Variants in PADI4 observed in about 807,000 individuals in gnomAD.
The protein encoded by PADI4 is protein-arginine deiminase type-4.
Under a neutral mutation model 75.0 loss-of-function variants are expected in PADI4, and 62 were observed. That is an observed-to-expected ratio of 0.83 (90% CI 0.67 to 1.02). The LOEUF is 1.02. Among genes scored for constraint, PADI4 ranks in the 50% least tolerant of loss-of-function variants. PADI4 has a pLI of 0.00. For synonymous variants in PADI4, 361 were observed against 348.1 expected (o/e 1.04, Z -0.41); for missense variants, 845 against 850.5 (o/e 0.99, Z 0.08).
At position 17,352,080 on chromosome 1, in the gene PADI4, A is replaced by G. The variant is rs865782706; in HGVS notation, c.1156-2453A>G. Reference sequence around the variant, plus strand: ...GGTGATGGGAGGTGGGAAGAGAGGCAGTCAGGGAGGTGATGGGAGGTGGTA... The same window carrying G: ...GGTGATGGGAGGTGGGAAGAGAGGCGGTCAGGGAGGTGATGGGAGGTGGTA... On this transcript the variant is annotated intron_variant, in intron 10 of 15. Coordinates refer to ENST00000375448, the MANE Select transcript of PADI4 (RefSeq NM_012387.3). 5.3e-3 allele frequency among the ~76,000 whole-genome samples: 601 copies of G among 114,458 alleles called. 33 individuals carry two copies. The highest frequency in any genetic ancestry group is 0.017 in the African/African-American group (434 of 25,444). 75.1% of individuals were successfully genotyped at this position (114,458 alleles called of 152,430 possible). A position where few individuals can be genotyped will look rare whatever the true frequency, so the allele number is the denominator to read the frequency against.
chr1:17,339,627 T>C (rs1345431674), intron 5 of PADI4, 61 bp from the exon 6 acceptor site: 6 of 1,598,790 alleles, frequency 3.8e-6, no homozygotes, highest in Middle Eastern at 1.9e-4. Flanking sequence ...GTGAGGTGGC[T>C]ATGGGAAACC....
At chr1:17,317,307 C>T (rs1384461646) in intron 1 of PADI4, among the ~76,000 whole-genome samples, 5 of 152,100 alleles carry the variant, frequency 3.3e-5, no homozygotes, top group South Asian at 2.1e-4. Flanking sequence ...TCGCTCTTGT[C>T]GCCTAGGCTG....
At chr1:17,338,233 C>T (rs1004292821) in intron 5 of PADI4, 78 bp downstream of exon 5, 34 of 873,348 alleles carry the variant, frequency 3.9e-5, no homozygotes, top group Non-Finnish European at 6.2e-5. Flanking sequence ...CTGGTGACGG[C>T]CCTCTGAAAT....
intron 1 of PADI4, among the ~76,000 whole-genome samples, chr1:17,310,369 A>G (rs1199890923): frequency 6.6e-6 from 1 of 152,050 alleles, no homozygotes; most frequent in East Asian, 1.9e-4. Flanking sequence ...CCTTCCTGTC[A>G]CTTCTTATCT....
rs748533338 is a variant in PADI4 at position 17,336,221 on chromosome 1, G to T, written c.403G>T (p.Asp135Tyr). Residue 135 changes from aspartate to tyrosine, a missense_variant, in exon 4 of 16, where the codon GAT becomes TAT. Asp to Tyr is a radical substitution (Grantham distance 160). Coordinates refer to ENST00000375448, the MANE Select transcript of PADI4 (RefSeq NM_012387.3). ...AGTGAAGCCAACCAGAGCTGTGAAA[G>T]ATCAGGTACCACTCACCCAAACGCT... is the stretch of plus-strand genomic sequence containing the variant. ...GKVKPTRAVKDQRTWTWGPCG... is the reference protein window; with the variant it reads ...GKVKPTRAVKYQRTWTWGPCG... The T allele has an allele frequency of 1.1e-5, 17 of 1,613,322 alleles. No individual in the cohort carries two copies. The highest frequency in any genetic ancestry group is 1.4e-5 in the Non-Finnish European group (16 of 1,179,224).
At chr1:17,342,237 G>A in intron 7 of PADI4, 62 bp from the exon 8 acceptor site, 1 of 1,403,624 alleles carries the variant, frequency 7.1e-7, no homozygotes, top group Non-Finnish European at 1.0e-6. Context: ...TGCAGGAAGT[G>A]GTAGGTGCTG....
chr1:17,320,770 T>C lies in PADI4; in HGVS notation c.93-10199T>C, dbSNP rs145269143. Among the ~76,000 whole-genome samples, 699 of 152,344 alleles carry C rather than the reference T, an allele frequency of 4.6e-3. 6 individuals carry two copies. The highest frequency in any genetic ancestry group is 0.016 in the African/African-American group (659 of 41,578). On this transcript the variant is annotated intron_variant, in intron 1 of 15. Transcript: ENST00000375448. ...TTTTATCAGCAAGGTCTTTATGACC[T>C]GTGTCTTGTGCTGACCTCCTATCTC...
chr1:17,349,238 A>G (rs546802789), intron 10 of PADI4, among the ~76,000 whole-genome samples: 37 of 152,098 alleles, frequency 2.4e-4, no homozygotes, highest in Non-Finnish European at 4.3e-4. Context: ...GGCTGTGTCT[A>G]CTTTGATGCT....
chr1:17,353,696 G>A (rs907754559), intron 10 of PADI4, among the ~76,000 whole-genome samples: 10 of 152,138 alleles, frequency 6.6e-5, no homozygotes, highest in African/African-American at 1.7e-4. Context: ...ATTATATTAG[G>A]GATCTTGTGA....
chr1:17,339,642 G>A, intron 5 of PADI4, 46 bp from the exon 6 acceptor site: 1 of 1,607,346 alleles, frequency 6.2e-7, no homozygotes. Flanking sequence ...GAAACCAGCA[G>A]CGGTCTCAGG....
chr1:17,341,374 C>T (rs1214296400), intron 6 of PADI4, among the ~76,000 whole-genome samples: 2 of 152,202 alleles, frequency 1.3e-5, no homozygotes. Context: ...GCTGGGATTA[C>T]AGGCGTAAGC....
intron 1 of PADI4, among the ~76,000 whole-genome samples, chr1:17,316,631 A>G (rs1213233199): frequency 2.6e-5 from 4 of 151,080 alleles, no homozygotes; most frequent in African/African-American, 7.3e-5. Flanking sequence ...TGGAGCTTGC[A>G]GTGAGCCAAG....
At chr1:17,335,637 G>A (rs1296965239) in intron 3 of PADI4, among the ~76,000 whole-genome samples, 1 of 152,226 alleles carries the variant, frequency 6.6e-6, no homozygotes, top group African/African-American at 2.4e-5. Flanking sequence ...TGCTTTCTCA[G>A]CCAAGCCATT....
At chr1:17,338,952 G>T (rs2074365995) in intron 5 of PADI4, among the ~76,000 whole-genome samples, 1 of 152,194 alleles carries the variant, frequency 6.6e-6, no homozygotes, top group Non-Finnish European at 1.5e-5. Flanking sequence ...TGCCTGACAT[G>T]CGGTAATAAT....
intron 13 of PADI4, among the ~76,000 whole-genome samples, chr1:17,358,521 T>C: frequency 2.4e-5 from 1 of 40,820 alleles, no homozygotes; most frequent in Non-Finnish European, 4.3e-5. Flanking sequence ...TGAGCCGAGA[T>C]TGCGCCACTG....
Position 17,309,106 on chromosome 1 carries a change from G to T in PADI4, c.92+792G>T, listed in dbSNP as rs1044923057. 6.9e-5 allele frequency among the ~76,000 whole-genome samples: 9 copies of T among 130,680 alleles called. No homozygotes were observed. The East Asian group carries it at 1.1e-3, about 16-fold the overall frequency. 85.7% of individuals were successfully genotyped at this position (130,680 alleles called of 152,430 possible). On this transcript the variant is annotated intron_variant, in intron 1 of 15. Coordinates refer to ENST00000375448, the MANE Select transcript of PADI4 (RefSeq NM_012387.3). ...TGTTATTGTAGAACAGGAATTAAAAGAAATTTTAAAACGTGTAAGCAAAAA... is the reference window on the plus strand; with the variant it reads ...TGTTATTGTAGAACAGGAATTAAAATAAATTTTAAAACGTGTAAGCAAAAA...
At chr1:17,360,741 A>ACC (rs1168957337) in intron 15 of PADI4, among the ~76,000 whole-genome samples, 1 of 150,570 alleles carries the variant, frequency 6.6e-6, no homozygotes, top group African/African-American at 2.4e-5. Flanking sequence ...CAAACACGAC[A>ACC]CCCTCAAGTC....
chr1:17,358,756 G>A lies in PADI4; in HGVS notation c.1559-82G>A, dbSNP rs1028057156. On this transcript the variant is annotated intron_variant, in intron 13 of 15. Transcript: ENST00000375448. ...ACTCCATTTTATAGATGGGAACACT[G>A]AGTCCCCCCCCGGCACTGGCTGGGA... 65 of 862,200 alleles carry A rather than the reference G, an allele frequency of 7.5e-5. No individual in the cohort carries two copies. The East Asian group carries it at 1.7e-3, about 22-fold the overall frequency. The allele number at this position is 862,200 out of a possible 1,614,324, so 53.4% of individuals were successfully genotyped here.
chr1:17,353,755 A>T (rs1003561263), intron 10 of PADI4, among the ~76,000 whole-genome samples: 6 of 152,196 alleles, frequency 3.9e-5, no homozygotes, highest in African/African-American at 1.4e-4. Flanking sequence ...GCCTGTGATG[A>T]TGGAAGCAGA....
Sources: gnomAD v4.1 joint callset for allele counts (sites outside exome capture counted in the v4.1 genomes callset) on GRCh38, gnomAD v4.1.1 for gene constraint, MANE v1.5 for transcripts, NCBI Gene and HGNC (gene_info 2026-07-23, HGNC 2026-07-21) for gene names.